RALGPS2: variants seen among roughly 807,000 people sequenced by gnomAD.
The protein encoded by RALGPS2 is ras-specific guanine nucleotide-releasing factor RalGPS2.
RALGPS2 carries 43 observed loss-of-function variants against 86.8 expected under a neutral mutation model. The observed-to-expected ratio is 0.50, with a 90% confidence interval of 0.39 to 0.64. RALGPS2 has a LOEUF of 0.64. Among genes scored for constraint, RALGPS2 ranks in the 30% least tolerant of loss-of-function variants. RALGPS2 has a pLI of 0.00. For missense variants in RALGPS2, 536 were observed against 694.6 expected (o/e 0.77, Z 2.57); for synonymous variants, 243 against 231.3 (o/e 1.05, Z -0.46).
chr1:178,899,664 T>TG lies in RALGPS2; in HGVS notation c.1524+1909dup, dbSNP rs1558178085. ...TGGTTTTGGTTTTGGTTTTTTTTTT[T>TG]GCCAAAATATTTAACCTGAATCTTA... On this transcript the variant is annotated intron_variant, in intron 17 of 19. Transcript: ENST00000367635. Among the ~76,000 whole-genome samples the TG allele has an allele frequency of 2.9e-3, 438 of 150,778 alleles. 8 individuals are homozygous for TG. The highest frequency in any genetic ancestry group is 9.6e-3 in the African/African-American group (392 of 40,930).
intron 19 of RALGPS2, 130 bp downstream of exon 19, chr1:178,906,997 C>A: frequency 1.3e-6 from 1 of 787,274 alleles, no homozygotes; most frequent in South Asian, 1.7e-5. Flanking sequence ...TTGTTGATTA[C>A]AGTTAATAAG....
At chr1:178,869,091 T>C (rs1031651648) in intron 8 of RALGPS2, 1 of 152,088 alleles carries the variant, frequency 6.6e-6, no homozygotes, top group African/African-American at 2.4e-5. Flanking sequence ...GAGAATGTTA[T>C]AAATTAGTTA....
intron 7 of RALGPS2, among the ~76,000 whole-genome samples, chr1:178,828,761 A>G (rs910582557): frequency 1.2e-4 from 19 of 152,248 alleles, no homozygotes; most frequent in Non-Finnish European, 2.4e-4. Context: ...TCAAAAAGCC[A>G]AAAGATAACT....
intron 1 of RALGPS2, among the ~76,000 whole-genome samples, chr1:178,739,388 GT>G (rs1301630335): frequency 1.3e-5 from 2 of 152,196 alleles, no homozygotes; most frequent in African/African-American, 4.8e-5. Flanking sequence ...ACAATATGTT[GT>G]TTTGTGTCAG....
At chr1:178,837,559 C>T (rs781392188) in intron 8 of RALGPS2, among the ~76,000 whole-genome samples, 1 of 152,150 alleles carries the variant, frequency 6.6e-6, no homozygotes, top group Non-Finnish European at 1.5e-5. Context: ...GGGAGGGTTC[C>T]AAGATGGCCG....
chr1:178,766,957 G>C (rs755175452), intron 1 of RALGPS2, among the ~76,000 whole-genome samples: 7 of 152,128 alleles, frequency 4.6e-5, no homozygotes, highest in Admixed American at 1.3e-4. Context: ...TTGGAGAGCA[G>C]GTCTTTGAGC....
chr1:178,728,833 A>G (rs930855754), intron 1 of RALGPS2, among the ~76,000 whole-genome samples: 6 of 152,214 alleles, frequency 3.9e-5, no homozygotes, highest in African/African-American at 7.2e-5. Context: ...TTTTAACTAC[A>G]TAATAGAAAT....
intron 1 of RALGPS2, among the ~76,000 whole-genome samples, chr1:178,769,380 C>G (rs1652671589): frequency 6.6e-6 from 1 of 151,918 alleles, no homozygotes; most frequent in Non-Finnish European, 1.5e-5. Context: ...GTAGAGAGGG[C>G]CCTACTGCAC....
intron 1 of RALGPS2, among the ~76,000 whole-genome samples, chr1:178,744,817 C>CAAA (rs148175568): frequency 0.046 from 3,058 of 65,916 alleles, 43 homozygotes; most frequent in Middle Eastern, 0.12. Flanking sequence ...GACTCCATCT[C>CAAA]AAAAAAAAAA....
chr1:178,746,827 T>C, intron 1 of RALGPS2: 1 of 1,160,086 alleles, frequency 8.6e-7, no homozygotes, highest in Non-Finnish European at 1.3e-6. Context: ...TCTCCTCCAT[T>C]GTATCTTGCA....
chr1:178,771,077 G>A (rs1170077515), intron 1 of RALGPS2, among the ~76,000 whole-genome samples: 1 of 151,710 alleles, frequency 6.6e-6, no homozygotes, highest in Admixed American at 6.6e-5. Flanking sequence ...GATCTCAGGT[G>A]ATCCACCTGC....
intron 1 of RALGPS2, among the ~76,000 whole-genome samples, chr1:178,772,737 T>C (rs1485770862): frequency 2.0e-5 from 3 of 152,208 alleles, no homozygotes; most frequent in Non-Finnish European, 2.9e-5. Context: ...AAGACTTAGG[T>C]GTAGAATCTC....
At chr1:178,909,628 T>C (rs181229177) in intron 19 of RALGPS2, among the ~76,000 whole-genome samples, 57 of 150,294 alleles carry the variant, frequency 3.8e-4, no homozygotes, top group African/African-American at 1.3e-3. Context: ...TTTGTAATTC[T>C]CTTTTTCTTT....
At chr1:178,746,705 CT>C (rs1245033233) in intron 1 of RALGPS2, 4 of 775,598 alleles carry the variant, frequency 5.2e-6, no homozygotes, top group Non-Finnish European at 9.6e-6. Context: ...CAATCTTGGC[CT>C]TTTTCTTTTT....
At chr1:178,908,280 C>A (rs946635399) in intron 19 of RALGPS2, among the ~76,000 whole-genome samples, 1 of 152,206 alleles carries the variant, frequency 6.6e-6, no homozygotes, top group African/African-American at 2.4e-5. Context: ...TTTTAAAAAT[C>A]ACTGTGTAGT....
intron 8 of RALGPS2, among the ~76,000 whole-genome samples, chr1:178,848,279 C>G (rs143667208): frequency 6.6e-6 from 1 of 152,018 alleles, no homozygotes; most frequent in Non-Finnish European, 1.5e-5. Flanking sequence ...CCACTGCACT[C>G]CAGCCTGGGT....
chr1:178,788,415 AGT>A (rs1275169070), intron 4 of RALGPS2, among the ~76,000 whole-genome samples: 1 of 152,222 alleles, frequency 6.6e-6, no homozygotes, highest in Non-Finnish European at 1.5e-5. Flanking sequence ...TTAGCTATAG[AGT>A]GTCATGAAAA....
At chr1:178,778,976 T>C (rs1653244923) in intron 2 of RALGPS2, among the ~76,000 whole-genome samples, 1 of 152,202 alleles carries the variant, frequency 6.6e-6, no homozygotes, top group Admixed American at 6.5e-5. Context: ...TAAAACTCTT[T>C]ATTTTTAAAA....
At chr1:178,734,484 G>A (rs1008647227) in intron 1 of RALGPS2, among the ~76,000 whole-genome samples, 1 of 152,206 alleles carries the variant, frequency 6.6e-6, no homozygotes, top group African/African-American at 2.4e-5. Flanking sequence ...GTTGATGGTT[G>A]TACCTCTGTG....
Sources: gnomAD v4.1 joint callset for allele counts (sites outside exome capture counted in the v4.1 genomes callset) on GRCh38, gnomAD v4.1.1 for gene constraint, MANE v1.5 for transcripts, NCBI Gene and HGNC (gene_info 2026-07-23, HGNC 2026-07-21) for gene names.